Variants in PROKR2 observed in about 807,000 individuals in gnomAD.
PROKR2 encodes prokineticin receptor 2, also known as G protein-coupled receptor 73-like 1.
A neutral mutation model predicts 23.4 loss-of-function variants in PROKR2; 26 were observed. The ratio of observed to expected loss-of-function variants is 1.11; its 90% CI spans 0.81 to 1.54. The LOEUF (loss-of-function observed/expected upper bound fraction) is 1.54, where lower values mean the gene tolerates loss of function less well. PROKR2 is among the 40% of genes most tolerant of loss of function. PROKR2 has a pLI of 0.00. For missense variants in PROKR2, 453 were observed against 511.5 expected, an observed-to-expected ratio of 0.89 and a Z score of 1.10; for synonymous variants, 212 against 201.2, an observed-to-expected ratio of 1.05 and a Z score of -0.45.
Position 5,302,406 on chromosome 20 carries a change from A to T in PROKR2, c.789T>A (p.Ile263=), listed in dbSNP as rs761076145. The T allele has an allele frequency of 2.5e-6, 4 of 1,614,238 alleles. No individual in the cohort carries two copies. Among genetic ancestry groups the T allele is most frequent in the Non-Finnish European group, 3.4e-6 (4 of 1,180,042 alleles). The part of the protein sequence containing the change: ...KAVPGFQTEQ[I]RKRLRCRRKT... ...TCCTGCGGCAGCGCAGCCGCTTGCGAATCTGCTCCGTCTGGAACCCAGGGA... is the reference window on the plus strand; with the variant it reads ...TCCTGCGGCAGCGCAGCCGCTTGCGTATCTGCTCCGTCTGGAACCCAGGGA... The change falls in exon 3 of 3, where the codon ATT becomes ATA. Residue 263 remains isoleucine (I), a synonymous_variant. Transcript: ENST00000678254.
In PROKR2 at chr20:5,302,319, G is replaced by A. The variant is rs747977707; in HGVS notation, c.876C>T (p.Tyr292=). ...TAYVLCWAPF[Y]GFTIVRDFFP... Reference sequence around the variant, plus strand: ...AGAAGTCACGAACGATGGTGAAACCGTAGAAGGGTGCCCAGCACAGCACAT... The same window carrying A: ...AGAAGTCACGAACGATGGTGAAACCATAGAAGGGTGCCCAGCACAGCACAT... The change falls in exon 3 of 3, where the codon TAC becomes TAT. Residue 292 remains tyrosine (Y), a synonymous_variant. Coordinates refer to ENST00000678254, the MANE Select transcript of PROKR2 (RefSeq NM_144773.4). The A allele has an allele frequency of 1.7e-5, 28 of 1,614,122 alleles. No individual in the cohort carries two copies. The highest frequency in any genetic ancestry group is 1.6e-4 in the Middle Eastern group (1 of 6,084).
chr20:5,307,844 A>G lies in PROKR2; in HGVS notation c.459-5108T>C, dbSNP rs556174741. Among the ~76,000 whole-genome samples, 372 of 152,362 alleles carry G rather than the reference A, an allele frequency of 2.4e-3. 1 individual carries two copies. Among genetic ancestry groups the G allele is most frequent in the African/African-American group, 8.3e-3 (344 of 41,584 alleles). ...ATTAATAGCTCTTAATAAGATCAAA[A>G]TTTGGGAAATAATAAAAAAGCATCT... On this transcript the variant is annotated intron_variant, in intron 2 of 2. Coordinates refer to ENST00000678254, the MANE Select transcript of PROKR2 (RefSeq NM_144773.4).
chr20:5,315,788 G>A (rs893985671), intron 1 of PROKR2: 1 of 453,952 alleles, frequency 2.2e-6, no homozygotes, highest in East Asian at 7.0e-5. Flanking sequence ...TCGCCCCTCC[G>A]TCTCATGCGA....
intron 2 of PROKR2, among the ~76,000 whole-genome samples, chr20:5,312,968 C>A (rs995902447): frequency 6.6e-6 from 1 of 152,196 alleles, no homozygotes; most frequent in Non-Finnish European, 1.5e-5. Context: ...ATAATTACCA[C>A]AATTTATTAT....
chr20:5,302,161 T>A lies in PROKR2; in HGVS notation c.1034A>T (p.Lys345Met), dbSNP rs983344068. The A allele has an allele frequency of 1.2e-6, 2 of 1,614,108 alleles. No individual in the cohort carries two copies. Among genetic ancestry groups the A allele is most frequent in the Non-Finnish European group, 1.7e-6 (2 of 1,180,044 alleles). Residue 345 changes from lysine to methionine, a missense_variant, in exon 3 of 3, where the codon AAG becomes ATG. Transcript: ENST00000678254. ...TVKNNTMKYF[K>M]KMMLLHWRPS... ...ACGCCAGTGCAGCAGCATCATCTTCTTGAAGTACTTCATGGTGTTGTTCTT... is the reference window on the plus strand; with the variant it reads ...ACGCCAGTGCAGCAGCATCATCTTCATGAAGTACTTCATGGTGTTGTTCTT...
intron 2 of PROKR2, among the ~76,000 whole-genome samples, chr20:5,305,663 A>T (rs1017829419): frequency 6.8e-6 from 1 of 147,610 alleles, no homozygotes; most frequent in Non-Finnish European, 1.5e-5. Flanking sequence ...TAAACGTCCT[A>T]CCTGTGAAAT....
chr20:5,305,799 G>T (rs539607252), intron 2 of PROKR2, among the ~76,000 whole-genome samples: 1 of 152,246 alleles, frequency 6.6e-6, no homozygotes, highest in South Asian at 2.1e-4. Context: ...AGTTAGAGTT[G>T]GTAAAGCCCC....
intron 1 of PROKR2, chr20:5,315,681 G>T: frequency 2.8e-6 from 1 of 362,352 alleles, no homozygotes. Context: ...CCCTAACCTG[G>T]GGTGCGCCCG....
intron 2 of PROKR2, 56 bp from the exon 3 acceptor site, chr20:5,302,792 T>A: frequency 1.5e-6 from 2 of 1,340,724 alleles, no homozygotes; most frequent in Non-Finnish European, 2.1e-6. Flanking sequence ...AACGTTAGTT[T>A]GTAACTAACC....
At chr20:5,311,753 A>T (rs974518212) in intron 2 of PROKR2, among the ~76,000 whole-genome samples, 7 of 152,196 alleles carry the variant, frequency 4.6e-5, no homozygotes, top group Admixed American at 2.6e-4. Context: ...GAAAAATGTG[A>T]AAAGAGAGAC....
chr20:5,314,879 C>T (rs1979602453), intron 1 of PROKR2, among the ~76,000 whole-genome samples: 1 of 152,230 alleles, frequency 6.6e-6, no homozygotes, highest in South Asian at 2.1e-4. Flanking sequence ...GCTGTCACAA[C>T]GTTGTGGCAC....
Position 5,316,895 on chromosome 20 carries a change from C to A in PROKR2, c.-410G>T, listed in dbSNP as rs950884362. On this transcript the variant is annotated 5_prime_UTR_variant, in exon 1 of 3. Transcript: ENST00000678254. The surrounding 1 kb of genome is among the most constrained non-coding windows in gnomAD (Gnocchi z 5.0). ...CACCGTAGCTCCGGCCGCGCTGACG[C>A]GAGTCCCCGGCAGCGGGGGCAGCCT... 6.6e-6 allele frequency among the ~76,000 whole-genome samples: 1 copy of A among 152,262 alleles called. No homozygotes were observed. Among genetic ancestry groups the A allele is most frequent in the Non-Finnish European group, 1.5e-5 (1 of 68,044 alleles).
chr20:5,315,812 G>A (rs531384912), intron 1 of PROKR2: 9 of 456,168 alleles, frequency 2.0e-5, no homozygotes, highest in Non-Finnish European at 3.5e-5. Flanking sequence ...CCCAATCCCC[G>A]CAGCCTCTGC....
rs1253383162 is a variant in PROKR2, at chr20:5,314,152, A to T, written c.218T>A (p.Val73Asp). 2 of 1,614,210 alleles carry T rather than the reference A, an allele frequency of 1.2e-6. No individual in the cohort carries two copies. The highest frequency in any genetic ancestry group is 4.5e-5 in the East Asian group (2 of 44,884). The stretch of plus-strand genomic sequence containing the variant: ...ATAGCGGGTGAGGGCAGCGATAAAG[A>T]CAAAGTTACCGATGCCGCAGACCAG... ...IMLVCGIGNF[V>D]FIAALTRYKK... is the part of the protein sequence containing the mutation. The change falls in exon 2 of 3, where the codon GTC (valine) becomes GAC (aspartate). Residue 73 changes from valine to aspartate, a missense_variant. By Grantham distance (152) the Val-to-Asp change is radical. Coordinates refer to ENST00000678254, the MANE Select transcript of PROKR2 (RefSeq NM_144773.4).
intron 2 of PROKR2, among the ~76,000 whole-genome samples, chr20:5,309,476 C>A (rs1234598356): frequency 1.3e-5 from 2 of 152,148 alleles, no homozygotes; most frequent in Non-Finnish European, 2.9e-5. Context: ...GAGTTTCTTG[C>A]ATTGTATCAC....
rs910351384 is a variant in PROKR2 at position 5,299,358 on chromosome 20, A to C, written c.*2682T>G. Among the ~76,000 whole-genome samples the C allele has an allele frequency of 3.3e-5, 5 of 152,178 alleles. No homozygotes were observed. Among genetic ancestry groups the C allele is most frequent in the Non-Finnish European group, 7.4e-5 (5 of 68,024 alleles). On this transcript the variant is annotated 3_prime_UTR_variant, in exon 3 of 3. Transcript: ENST00000678254. ...GAAGTTGGTATATTCTAGGACAAAA[A>C]GGAACAGGGTGATGAATCCTGCTGA...
At chr20:5,310,180 C>T (rs6053288) in intron 2 of PROKR2, among the ~76,000 whole-genome samples, 77,602 of 152,012 alleles carry the variant, frequency 0.51, 20,115 homozygotes, top group African/African-American at 0.61. Context: ...TAATCATTTC[C>T]TATGACTCAT....
chr20:5,308,202 C>G (rs529751127), intron 2 of PROKR2, among the ~76,000 whole-genome samples: 1 of 36,948 alleles, frequency 2.7e-5, no homozygotes, highest in Admixed American at 2.0e-4. Context: ...GCCCCCCCCC[C>G]TCAAAACCTG....
At position 5,302,751 on chromosome 20, in the gene PROKR2, A is replaced by G. The variant is rs535791519; in HGVS notation, c.459-15T>C. On this transcript the variant is annotated splice_polypyrimidine_tract_variant and intron_variant, in intron 2 of 2. Transcript: ENST00000678254. The stretch of plus-strand genomic sequence containing the variant: ...TGGCGAGATATCTGGTGGGGGAGGG[A>G]AGCCAACAGTAGTAATGATGAATAC... 3.1e-6 allele frequency: 5 copies of G among 1,592,652 alleles called. No individual in the cohort carries two copies. The African/African-American group carries it at 4.0e-5, about 13-fold the overall frequency.
Sources: gnomAD v4.1 joint callset for allele counts (sites outside exome capture counted in the v4.1 genomes callset) on GRCh38, gnomAD v4.1.1 for gene constraint, Gnocchi (gnomAD v3.1) non-coding constraint, MANE v1.5 for transcripts, NCBI Gene and HGNC (gene_info 2026-07-23, HGNC 2026-07-21) for gene names.